Variants in DAB1 observed in about 807,000 individuals in gnomAD.
The protein encoded by DAB1 is DAB adaptor protein 1, also known as disabled homolog 1.
A neutral mutation model predicts 64.6 loss-of-function variants in DAB1; 15 were observed. The ratio of observed to expected loss-of-function variants is 0.23; its 90% CI spans 0.16 to 0.36. The LOEUF is 0.36. DAB1 is among the 10% of genes least tolerant of loss of function. The pLI, the probability that DAB1 is intolerant of heterozygous loss-of-function variation, is 1.00. For synonymous variants in DAB1, 235 were observed against 251.9 expected, an observed-to-expected ratio of 0.93 and a Z score of 0.64; for missense variants, 596 against 706.7, an observed-to-expected ratio of 0.84 and a Z score of 1.78.
intron 4 of DAB1, among the ~76,000 whole-genome samples, chr1:58,321,186 T>G (rs1001535647): frequency 6.6e-6 from 1 of 152,236 alleles, no homozygotes; most frequent in African/African-American, 2.4e-5. Flanking sequence ...GTCCTCCAAT[T>G]TATACACTTA....
chr1:58,508,081 T>C (rs1383786257), intron 2 of DAB1, among the ~76,000 whole-genome samples: 1 of 152,152 alleles, frequency 6.6e-6, no homozygotes, highest in Non-Finnish European at 1.5e-5. Flanking sequence ...CTGAAGGGAA[T>C]CTTTAAAGCA....
At chr1:58,346,497 G>A (rs1455014393) in intron 3 of DAB1, among the ~76,000 whole-genome samples, 1 of 152,184 alleles carries the variant, frequency 6.6e-6, no homozygotes, top group South Asian at 2.1e-4. Context: ...CTACATGGTA[G>A]CTCAATACAG....
intron 5 of DAB1, among the ~76,000 whole-genome samples, chr1:57,986,771 C>A (rs1646229408): frequency 2.0e-5 from 3 of 152,178 alleles, no homozygotes. Context: ...CCATGACTCT[C>A]CACAGAGAAC....
chr1:58,108,376 T>C (rs1313334443), intron 5 of DAB1, among the ~76,000 whole-genome samples: 1 of 152,178 alleles, frequency 6.6e-6, no homozygotes, highest in Non-Finnish European at 1.5e-5. Context: ...GGATCCATAC[T>C]GAATGAGCCT....
chr1:58,497,622 A>T (rs564882039), intron 3 of DAB1, among the ~76,000 whole-genome samples: 9 of 146,010 alleles, frequency 6.2e-5, no homozygotes, highest in South Asian at 4.3e-4. Flanking sequence ...CAGGAAGAAG[A>T]AGTTACCGTT....
chr1:57,707,092 C>CA (rs1196264293), intron 6 of DAB1, among the ~76,000 whole-genome samples: 1 of 151,748 alleles, frequency 6.6e-6, no homozygotes, highest in Non-Finnish European at 1.5e-5. Flanking sequence ...AACAAACAAA[C>CA]AAAAAAACCC....
intron 4 of DAB1, among the ~76,000 whole-genome samples, chr1:58,173,682 A>C (rs1346877659): frequency 6.6e-6 from 1 of 152,138 alleles, no homozygotes; most frequent in Non-Finnish European, 1.5e-5. Context: ...CAACAAACTC[A>C]CACACCTTTT....
intron 5 of DAB1, among the ~76,000 whole-genome samples, chr1:57,988,653 C>T (rs1646279500): frequency 6.6e-6 from 1 of 152,044 alleles, no homozygotes; most frequent in African/African-American, 2.4e-5. Context: ...ACAGCCAGTG[C>T]TGACTGGGCT....
intron 2 of DAB1, among the ~76,000 whole-genome samples, chr1:57,149,937 A>G (rs1461809559): frequency 6.6e-6 from 1 of 152,128 alleles, no homozygotes; most frequent in African/African-American, 2.4e-5. Flanking sequence ...CACCACTGTT[A>G]TTATTTTATG....
At chr1:58,064,474 C>T (rs112038650) in intron 5 of DAB1, among the ~76,000 whole-genome samples, 8 of 152,078 alleles carry the variant, frequency 5.3e-5, no homozygotes, top group African/African-American at 1.7e-4. Context: ...TTGGGTTAGG[C>T]GCTGTGGAGT....
chr1:57,442,711 G>A (rs772878565), intron 7 of DAB1, among the ~76,000 whole-genome samples: 2 of 152,184 alleles, frequency 1.3e-5, no homozygotes, highest in Non-Finnish European at 2.9e-5. Flanking sequence ...GACACAGCTG[G>A]GATGCCCAGA....
chr1:57,915,726 C>T (rs569307323), intron 5 of DAB1, among the ~76,000 whole-genome samples: 43 of 152,228 alleles, frequency 2.8e-4, no homozygotes, highest in East Asian at 2.7e-3. Context: ...ATGTGTGTGA[C>T]GTAGACGGGG....
chr1:57,028,462 G>C (rs1286650997), intron 9 of DAB1, among the ~76,000 whole-genome samples: 1 of 152,146 alleles, frequency 6.6e-6, no homozygotes, highest in Admixed American at 6.5e-5. Flanking sequence ...AGTAGAGTGA[G>C]GTGTTGCTGA....
chr1:57,137,007 T>C (rs1411519987), intron 3 of DAB1, among the ~76,000 whole-genome samples: 1 of 152,176 alleles, frequency 6.6e-6, no homozygotes, highest in Non-Finnish European at 1.5e-5. Context: ...TTCAATCTTT[T>C]AAATGAAGGT....
intron 6 of DAB1, among the ~76,000 whole-genome samples, chr1:57,682,634 C>G (rs1016623051): frequency 1.3e-5 from 2 of 152,146 alleles, no homozygotes; most frequent in African/African-American, 4.8e-5. Flanking sequence ...ATTCTAGACA[C>G]AGGGGACCCT....
chr1:58,366,604 A>T (rs1036264336), intron 3 of DAB1, among the ~76,000 whole-genome samples: 1 of 152,180 alleles, frequency 6.6e-6, no homozygotes, highest in Non-Finnish European at 1.5e-5. Context: ...TCCTCCCAGT[A>T]CCTCATTGAA....
chr1:58,312,023 A>G (rs1280728026), intron 4 of DAB1, among the ~76,000 whole-genome samples: 1 of 152,178 alleles, frequency 6.6e-6, no homozygotes, highest in Non-Finnish European at 1.5e-5. Context: ...TTAGCATCTA[A>G]CCACTTCCAT....
At chr1:57,468,829 A>T (rs2101200147) in intron 7 of DAB1, among the ~76,000 whole-genome samples, 1 of 152,350 alleles carries the variant, frequency 6.6e-6, no homozygotes, top group South Asian at 2.1e-4. Context: ...TTTACAATTC[A>T]CTTACTCATG....
chr1:58,233,542 T>C (rs970333965), intron 4 of DAB1, among the ~76,000 whole-genome samples: 1 of 152,218 alleles, frequency 6.6e-6, no homozygotes, highest in African/African-American at 2.4e-5. Context: ...GGTCTGCCCT[T>C]ACCCAGGTCT....
Sources: gnomAD v4.1 joint callset for allele counts (sites outside exome capture counted in the v4.1 genomes callset) on GRCh38, gnomAD v4.1.1 for gene constraint, MANE v1.5 for transcripts, NCBI Gene and HGNC (gene_info 2026-07-23, HGNC 2026-07-21) for gene names.